The following KCNT1 variants were observed in gnomAD, a reference collection of about 807,000 sequenced individuals.
KCNT1 encodes potassium sodium-activated channel subfamily T member 1.
In KCNT1, 78 loss-of-function variants were observed where a neutral mutation model predicts 147.8. That is an observed-to-expected ratio of 0.53 (90% CI 0.44 to 0.64). The LOEUF (loss-of-function observed/expected upper bound fraction) is 0.64, where lower values mean the gene tolerates loss of function less well. Ranked by LOEUF, KCNT1 falls within the 30% of genes least tolerant of loss-of-function variation. The pLI, the probability that KCNT1 is intolerant of heterozygous loss-of-function variation, is 0.00. For missense variants in KCNT1, 1,419 were observed against 1,750.3 expected (o/e 0.81, Z 3.38); for synonymous variants, 867 against 748.8 (o/e 1.16, Z -2.58).
intron 24 of KCNT1, among the ~76,000 whole-genome samples, chr9:135,782,366 T>G (rs1292955417): frequency 6.6e-6 from 1 of 152,122 alleles, no homozygotes; most frequent in Admixed American, 6.5e-5. Flanking sequence ...CCTCCCCTGG[T>G]CTCCAGCACC....
At chr9:135,772,558 G>A (rs543689688) in intron 18 of KCNT1, among the ~76,000 whole-genome samples, 157 bp from the exon 19 acceptor site, 1 of 152,330 alleles carries the variant, frequency 6.6e-6, no homozygotes, top group South Asian at 2.1e-4. Flanking sequence ...TGTATGGAGG[G>A]GGAAACTGAG....
chr9:135,770,681 G>T (rs1231927746), intron 17 of KCNT1, among the ~76,000 whole-genome samples, 176 bp from the exon 18 acceptor site: 1 of 152,190 alleles, frequency 6.6e-6, no homozygotes, highest in Non-Finnish European at 1.5e-5. Context: ...CCAGCTCTCT[G>T]GTCCCCAACA....
intron 2 of KCNT1, among the ~76,000 whole-genome samples, chr9:135,734,201 G>A (rs1047700435): frequency 3.9e-5 from 6 of 152,110 alleles, no homozygotes; most frequent in Non-Finnish European, 8.8e-5. Context: ...CCATAGGGTC[G>A]AGCCTCTCCA....
At chr9:135,789,270 A>G (rs959673427) in intron 29 of KCNT1, 3 of 152,230 alleles carry the variant, frequency 2.0e-5, no homozygotes, top group African/African-American at 7.2e-5. Context: ...CGCGGCAGGC[A>G]TTTCCTGGGC....
intron 19 of KCNT1, among the ~76,000 whole-genome samples, chr9:135,774,506 A>T (rs1404131376): frequency 8.0e-6 from 1 of 124,340 alleles, no homozygotes; most frequent in Non-Finnish European, 1.6e-5. Flanking sequence ...TGTGTGTTGC[A>T]TATGTTGTGT....
intron 2 of KCNT1, among the ~76,000 whole-genome samples, chr9:135,739,355 A>T (rs1385782671): frequency 1.3e-5 from 2 of 152,024 alleles, no homozygotes; most frequent in Admixed American, 1.3e-4. Context: ...CAGGTCTGTC[A>T]GTCCAGCTGT....
chr9:135,785,399 GC>G, intron 28 of KCNT1, 69 bp downstream of exon 28: 1 of 1,562,050 alleles, frequency 6.4e-7, no homozygotes, highest in Non-Finnish European at 8.7e-7. Context: ...ACATGGAGAA[GC>G]CTGCCAGGCC....
chr9:135,780,854 G>A (rs1833560120), intron 24 of KCNT1, among the ~76,000 whole-genome samples: 1 of 152,254 alleles, frequency 6.6e-6, no homozygotes. Context: ...GGATCTGGAA[G>A]ACCAAGTCTG....
At chr9:135,716,072 G>T (rs577213233) in intron 2 of KCNT1, among the ~76,000 whole-genome samples, 1 of 152,338 alleles carries the variant, frequency 6.6e-6, no homozygotes, top group East Asian at 1.9e-4. Context: ...GGCGGCGTGC[G>T]TGGCTGGGAG....
intron 29 of KCNT1, chr9:135,788,213 C>T: frequency 1.4e-6 from 2 of 1,458,706 alleles, no homozygotes; most frequent in Non-Finnish European, 1.9e-6. Context: ...GCTCGCCAAC[C>T]CTTCACCGCC....
In KCNT1 at chr9:135,777,503, GACA is replaced by G. The variant is rs1833249937; in HGVS notation, c.2520_2522del (p.Asn840del). On this transcript the variant is annotated inframe_deletion, in exon 21 of 31. Coordinates refer to ENST00000371757, the MANE Select transcript of KCNT1 (RefSeq NM_020822.3). Reference sequence around the variant, plus strand: ...GCTGAACCCCATCGTGCTGCTGCTGGACAACAAGTGAGGCTCCTGGGGCTCAGC... The same window carrying G: ...GCTGAACCCCATCGTGCTGCTGCTGGACAAGTGAGGCTCCTGGGGCTCAGC... The G allele has an allele frequency of 6.2e-7, 1 of 1,613,306 alleles. No individual in the cohort carries two copies. The highest frequency in any genetic ancestry group is 8.5e-7 in the Non-Finnish European group (1 of 1,179,800).
chr9:135,781,235 C>T (rs943847659), intron 24 of KCNT1, among the ~76,000 whole-genome samples: 2 of 152,232 alleles, frequency 1.3e-5, no homozygotes, highest in African/African-American at 4.8e-5. Flanking sequence ...ATCGGCAAAG[C>T]CTCTGGAAGC....
At chr9:135,710,773 C>T (rs1458898172) in intron 1 of KCNT1, among the ~76,000 whole-genome samples, 3 of 152,214 alleles carry the variant, frequency 2.0e-5, no homozygotes, top group Non-Finnish European at 2.9e-5. Flanking sequence ...ATTTTTGAAA[C>T]AGTTCATCAA....
At chr9:135,788,134 G>A (rs1363526654) in intron 29 of KCNT1, 1 of 1,612,950 alleles carries the variant, frequency 6.2e-7, no homozygotes. Flanking sequence ...GTGATGTCAT[G>A]AATCGGGTAA....
chr9:135,732,019 G>T (rs1252880582), intron 2 of KCNT1, among the ~76,000 whole-genome samples: 3 of 130,118 alleles, frequency 2.3e-5, no homozygotes, highest in African/African-American at 5.7e-5. Flanking sequence ...GAGAGAGAGA[G>T]AGAGAGAGAG....
At chr9:135,731,985 TATATATAGAGAGAG>T (rs1475067341) in intron 2 of KCNT1, among the ~76,000 whole-genome samples, 50 of 23,232 alleles carry the variant, frequency 2.2e-3, no homozygotes, top group African/African-American at 6.6e-3. Flanking sequence ...TATATATATA[TATATATAGAGAGAG>T]AGAGAGAGAG....
chr9:135,728,730 C>T (rs1160612949), intron 2 of KCNT1, among the ~76,000 whole-genome samples: 2 of 152,228 alleles, frequency 1.3e-5, no homozygotes, highest in Non-Finnish European at 2.9e-5. Flanking sequence ...GACATCTCCC[C>T]AGCGGCCCCG....
intron 1 of KCNT1, among the ~76,000 whole-genome samples, chr9:135,711,394 C>T (rs1477247488): frequency 6.6e-6 from 1 of 152,236 alleles, no homozygotes; most frequent in Non-Finnish European, 1.5e-5. Flanking sequence ...GGACCTGGCC[C>T]CCACCCCAGT....
chr9:135,758,402 C>T lies in KCNT1; in HGVS notation c.760-12C>T, dbSNP rs773165330. On this transcript the variant is annotated splice_polypyrimidine_tract_variant and intron_variant, in intron 9 of 30. Coordinates refer to ENST00000371757, the MANE Select transcript of KCNT1 (RefSeq NM_020822.3). ...AGTCCCTGCCCGCTGACAGCCACCA[C>T]TCCTTCCACAGAATGACTTCCACCG... is the stretch of plus-strand genomic sequence containing the variant. 3 of 1,606,872 alleles carry T rather than the reference C, an allele frequency of 1.9e-6. No individual in the cohort carries two copies. Among genetic ancestry groups the T allele is most frequent in the South Asian group, 1.1e-5 (1 of 90,994 alleles).
Sources: gnomAD v4.1 joint callset for allele counts (sites outside exome capture counted in the v4.1 genomes callset) on GRCh38, gnomAD v4.1.1 for gene constraint, MANE v1.5 for transcripts, NCBI Gene and HGNC (gene_info 2026-07-23, HGNC 2026-07-21) for gene names.